Variants in CLPTM1 observed in about 807,000 individuals in gnomAD.
The protein encoded by CLPTM1 is CLPTM1 regulator of GABA type A receptor forward trafficking.
In CLPTM1, 21 loss-of-function variants were observed where a neutral mutation model predicts 77.3. The observed-to-expected ratio is 0.27, with a 90% CI of 0.19 to 0.39. The LOEUF (loss-of-function observed/expected upper bound fraction) is 0.39. Among genes scored for constraint, CLPTM1 ranks in the 10% least tolerant of loss-of-function variants. The pLI, the probability that CLPTM1 is intolerant of heterozygous loss-of-function variation, is 1.00. For synonymous variants in CLPTM1, 373 were observed against 381.0 expected (o/e 0.98, Z 0.24); for missense variants, 642 against 921.2 (o/e 0.70, Z 3.92).
At chr19:44,977,279 G>A in intron 4 of CLPTM1, 64 bp from the exon 5 acceptor site, 2 of 1,189,748 alleles carry the variant, frequency 1.7e-6, no homozygotes. Context: ...GTGCCAGGCA[G>A]GGCTTTAACG....
chr19:44,967,236 T>A (rs537429942), intron 2 of CLPTM1, among the ~76,000 whole-genome samples: 111 of 152,268 alleles, frequency 7.3e-4, no homozygotes, highest in African/African-American at 2.6e-3. Context: ...GGAGGATCGC[T>A]TGAGCCCAGG....
chr19:44,992,380 G>A lies in CLPTM1; in HGVS notation c.1703G>A (p.Arg568Gln), dbSNP rs1317683689. The A allele has an allele frequency of 1.2e-5, 20 of 1,614,124 alleles. No homozygotes were observed. Among genetic ancestry groups the A allele is most frequent in the Non-Finnish European group, 1.4e-5 (17 of 1,180,002 alleles). ...AFVIKMPVMY[R>Q]IGCLRDDVVF... ...GTCATCAAGATGCCCGTTATGTACC[G>A]GATCGGCTGCCTGCGGGACGGTGAG... Residue 568 changes from arginine to glutamine, a missense_variant, in exon 13 of 14, where the codon CGG (arginine) becomes CAG (glutamine). This residue lies in a region of CLPTM1 where 521 missense variants were observed against 800.4 expected (regional missense o/e 0.65). Coordinates refer to ENST00000337392, the MANE Select transcript of CLPTM1 (RefSeq NM_001294.4). The surrounding 1 kb of genome is among the most constrained non-coding windows in gnomAD (Gnocchi z 7.7).
chr19:44,981,639 G>A (rs976002971), intron 5 of CLPTM1, among the ~76,000 whole-genome samples: 9 of 151,526 alleles, frequency 5.9e-5, no homozygotes, highest in African/African-American at 2.2e-4. Flanking sequence ...GGCCAGGGCC[G>A]TGATGGCTCA....
chr19:44,982,165 A>G (rs974768250), intron 5 of CLPTM1, among the ~76,000 whole-genome samples: 1 of 151,960 alleles, frequency 6.6e-6, no homozygotes, highest in Non-Finnish European at 1.5e-5. Flanking sequence ...CCTGGCCAAC[A>G]TAATGAAACC....
intron 4 of CLPTM1, 78 bp from the exon 5 acceptor site, chr19:44,977,265 A>G: frequency 9.6e-7 from 1 of 1,042,760 alleles, no homozygotes; most frequent in Non-Finnish European, 1.5e-6. Flanking sequence ...ACTGCTGCAG[A>G]TGGGTGCCAG....
intron 5 of CLPTM1, among the ~76,000 whole-genome samples, 174 bp from the exon 6 acceptor site, chr19:44,985,044 G>A (rs186655622): frequency 1.3e-5 from 2 of 152,260 alleles, no homozygotes; most frequent in Non-Finnish European, 2.9e-5. Flanking sequence ...ACTGGGATTC[G>A]TTGAGATTTG....
intron 1 of CLPTM1, 159 bp downstream of exon 1, chr19:44,955,626 G>A: frequency 1.6e-6 from 1 of 640,104 alleles, no homozygotes; most frequent in Admixed American, 4.4e-5. Flanking sequence ...CGCCCGGGAG[G>A]CCGGACGGTG....
rs1488912862 is a variant in CLPTM1 at position 44,977,366 on chromosome 19, C to T, written c.492C>T (p.Ile164=). 1.2e-6 allele frequency: 2 copies of T among 1,610,228 alleles called. No individual in the cohort carries two copies. Among genetic ancestry groups the T allele is most frequent in the East Asian group, 2.2e-5 (1 of 44,872 alleles). ...AGAGCGTCCAGCAGAACGGCTCCAT[C>T]TACATCCACGTTTACTTCACCAAGA... ...IPQSVQQNGS[I]YIHVYFTKSG... The change falls in exon 5 of 14, where the codon ATC becomes ATT. Residue 164 remains isoleucine, a synonymous_variant. Coordinates refer to ENST00000337392, the MANE Select transcript of CLPTM1 (RefSeq NM_001294.4).
chr19:44,969,554 G>C (rs1238587916), intron 2 of CLPTM1, among the ~76,000 whole-genome samples: 2 of 152,138 alleles, frequency 1.3e-5, no homozygotes, highest in Non-Finnish European at 2.9e-5. Flanking sequence ...GCTGTTTGTT[G>C]TGCCATTGCT....
Position 44,992,573 on chromosome 19 carries a change from G to T in CLPTM1, c.1724-38G>T. On this transcript the variant is annotated intron_variant, in intron 13 of 13. Coordinates refer to ENST00000337392, the MANE Select transcript of CLPTM1 (RefSeq NM_001294.4). The surrounding 1 kb of genome is among the most constrained non-coding windows in gnomAD (Gnocchi z 7.7). ...CCCAGGCCCACCTGGCTGTGGACGGGCCAGCCCGACCTCACACTGCCTCCC... is the reference window on the plus strand; with the variant it reads ...CCCAGGCCCACCTGGCTGTGGACGGTCCAGCCCGACCTCACACTGCCTCCC... 8 of 1,610,522 alleles carry T rather than the reference G, an allele frequency of 5.0e-6. No individual in the cohort carries two copies. Among genetic ancestry groups the T allele is most frequent in the Non-Finnish European group, 5.9e-6 (7 of 1,178,402 alleles).
intron 5 of CLPTM1, among the ~76,000 whole-genome samples, chr19:44,981,298 C>A (rs913857919): frequency 6.6e-6 from 1 of 152,120 alleles, no homozygotes; most frequent in African/African-American, 2.4e-5. Context: ...TGTGTCACCA[C>A]GCCCAGCTAA....
upstream of CLPTM1, chr19:44,954,708 A>G (rs911257648): frequency 8.5e-5 from 102 of 1,201,466 alleles, no homozygotes; most frequent in Non-Finnish European, 1.1e-4. Context: ...CGAGGTTTGG[A>G]CCACTGAGGG....
Position 44,992,483 on chromosome 19 carries a change from A to G in CLPTM1, c.1723+83A>G, listed in dbSNP as rs1226475006. On this transcript the variant is annotated intron_variant, in intron 13 of 13. Transcript: ENST00000337392. The surrounding 1 kb of genome is among the most constrained non-coding windows in gnomAD (Gnocchi z 7.7). The stretch of plus-strand genomic sequence containing the variant: ...TAGGGCCCAGGCCTGAGGGGGTGCC[A>G]CGGCCCCAGATGGGGTGCTCAGTCT... 1 of 1,591,632 alleles carries G rather than the reference A, an allele frequency of 6.3e-7. No homozygotes were observed. Among genetic ancestry groups the G allele is most frequent in the Admixed American group, 1.7e-5 (1 of 59,320 alleles).
At position 44,973,351 on chromosome 19, in the gene CLPTM1, C is replaced by T; in HGVS notation, c.309+141C>T. 7 of 1,110,564 alleles carry T rather than the reference C, an allele frequency of 6.3e-6. No homozygotes were observed. In the East Asian group the frequency reaches 1.1e-4, roughly 17 times the overall value. The allele number at this position is 1,110,564 out of a possible 1,614,324, so 68.8% of individuals were successfully genotyped here. On this transcript the variant is annotated intron_variant, in intron 3 of 13. Transcript: ENST00000337392. ...GGAAAACAGGTCCAGGGTTGAGGAA[C>T]TCTGGGCCCATCCCCAACACGTGAG...
chr19:44,967,667 A>AC (rs1383665995), intron 2 of CLPTM1, among the ~76,000 whole-genome samples: 2 of 152,148 alleles, frequency 1.3e-5, no homozygotes, highest in African/African-American at 4.8e-5. Context: ...CAAAAAAAAA[A>AC]AAAAACAACT....
chr19:44,955,111 G>A (rs1008223089), upstream of CLPTM1: 1 of 1,535,710 alleles, frequency 6.5e-7, no homozygotes, highest in South Asian at 1.2e-5. Context: ...GGGACGGAAG[G>A]GACAGAACTT....
chr19:44,991,515 C>A lies in CLPTM1; in HGVS notation c.1555+142C>A, dbSNP rs1454305786. 4 of 945,328 alleles carry A rather than the reference C, an allele frequency of 4.2e-6. No individual in the cohort carries two copies. Among genetic ancestry groups the A allele is most frequent in the Non-Finnish European group, 6.3e-6 (4 of 635,236 alleles). 58.6% of individuals were successfully genotyped at this position (945,328 alleles called of 1,614,324 possible). ...GGATATAGGGAGGCCCGAGGGCACA[C>A]ATGGCCCCATCTGGGGTCAGAGAGG... On this transcript the variant is annotated intron_variant, in intron 12 of 13. Coordinates refer to ENST00000337392, the MANE Select transcript of CLPTM1 (RefSeq NM_001294.4). The surrounding 1 kb of genome is among the most constrained non-coding windows in gnomAD (Gnocchi z 5.4).
chr19:44,986,959 C>G (rs1970988192), intron 7 of CLPTM1: 1 of 601,970 alleles, frequency 1.7e-6, no homozygotes, highest in Non-Finnish European at 2.9e-6. Flanking sequence ...TGGAGCTGAG[C>G]CACAGCTGCC....
intron 1 of CLPTM1, chr19:44,955,797 T>A (rs1046948038): frequency 7.2e-5 from 20 of 277,518 alleles, no homozygotes; most frequent in Admixed American, 5.3e-5. Context: ...TCTGAGGCCG[T>A]TCCTAGAGTG....
Sources: allele counts gnomAD v4.1 joint callset (sites outside exome capture counted in the v4.1 genomes callset), GRCh38; gene constraint gnomAD v4.1.1; regional missense constraint gnomAD v4.1.1; non-coding constraint Gnocchi (gnomAD v3.1); transcripts MANE v1.5; gene names NCBI Gene and HGNC (gene_info 2026-07-23, HGNC 2026-07-21).